GKAP1: variants seen among roughly 807,000 people sequenced by gnomAD.
The protein encoded by GKAP1 is G kinase-anchoring protein 1.
Under a neutral mutation model 56.7 loss-of-function variants are expected in GKAP1, and 31 were observed. That is an observed-to-expected ratio of 0.55 (90% CI 0.41 to 0.74). The LOEUF (loss-of-function observed/expected upper bound fraction) is 0.74. Ranked by LOEUF, GKAP1 falls within the 30% of genes least tolerant of loss-of-function variation. GKAP1 has a pLI of 0.00. For synonymous variants in GKAP1, 151 were observed against 138.6 expected (o/e 1.09, Z -0.63); for missense variants, 364 against 402.3 (o/e 0.90, Z 0.82).
At chr9:83,743,185 T>C (rs563749389) in intron 10 of GKAP1, among the ~76,000 whole-genome samples, 1 of 151,926 alleles carries the variant, frequency 6.6e-6, no homozygotes, top group East Asian at 2.0e-4. Context: ...TATTTTTTAA[T>C]TGCACAAATA....
intron 5 of GKAP1, among the ~76,000 whole-genome samples, chr9:83,787,715 C>T (rs1944088689): frequency 6.6e-6 from 1 of 152,168 alleles, no homozygotes; most frequent in African/African-American, 2.4e-5. Context: ...TGAATACTCA[C>T]ACAATTTAAA....
chr9:83,796,789 G>A (rs967603145), intron 4 of GKAP1, among the ~76,000 whole-genome samples: 7 of 151,896 alleles, frequency 4.6e-5, no homozygotes, highest in Admixed American at 2.6e-4. Flanking sequence ...TAATTCACCC[G>A]TCTCCCTTTT....
intron 6 of GKAP1, among the ~76,000 whole-genome samples, chr9:83,781,946 T>C (rs10780634): frequency 0.56 from 84,805 of 150,284 alleles, 24,483 homozygotes; most frequent in Admixed American, 0.7. Context: ...CGGGTTCAAG[T>C]GATTCTCCTG....
At chr9:83,778,647 C>T (rs1012830794) in intron 7 of GKAP1, among the ~76,000 whole-genome samples, 1 of 151,550 alleles carries the variant, frequency 6.6e-6, no homozygotes, top group African/African-American at 2.4e-5. Flanking sequence ...CCACCGTGAC[C>T]AAAATTTACC....
At chr9:83,748,668 T>A (rs1390533950) in intron 9 of GKAP1, 2 of 192,566 alleles carry the variant, frequency 1.0e-5, no homozygotes, top group Non-Finnish European at 2.1e-5. Flanking sequence ...CTTCCTCAGA[T>A]AAAACCCTTA....
chr9:83,813,411 ATTATT>A (rs543723599), intron 2 of GKAP1, among the ~76,000 whole-genome samples: 3 of 152,190 alleles, frequency 2.0e-5, no homozygotes, highest in Non-Finnish European at 2.9e-5. Flanking sequence ...AAATCTAATG[ATTATT>A]TTATTTATAT....
At chr9:83,790,097 C>G (rs1944129358) in intron 4 of GKAP1, among the ~76,000 whole-genome samples, 1 of 152,066 alleles carries the variant, frequency 6.6e-6, no homozygotes, top group African/African-American at 2.4e-5. Flanking sequence ...GCAAAGTCAT[C>G]CCTTTGAAAG....
At chr9:83,793,351 T>C (rs896934510) in intron 4 of GKAP1, among the ~76,000 whole-genome samples, 3 of 152,174 alleles carry the variant, frequency 2.0e-5, no homozygotes, top group African/African-American at 4.8e-5. Context: ...CCCTAACCCA[T>C]TAGATTTTCA....
chr9:83,813,744 T>C (rs1464432772), intron 2 of GKAP1, among the ~76,000 whole-genome samples: 1 of 152,194 alleles, frequency 6.6e-6, no homozygotes, highest in Non-Finnish European at 1.5e-5. Flanking sequence ...TAAATAAATA[T>C]ATCTTCTACT....
intron 8 of GKAP1, among the ~76,000 whole-genome samples, chr9:83,758,320 T>G (rs753591290): frequency 3.3e-5 from 5 of 152,190 alleles, no homozygotes; most frequent in Non-Finnish European, 7.3e-5. Flanking sequence ...TACAGCATGT[T>G]GATTTGGCAG....
In GKAP1 at chr9:83,768,821, G is replaced by T. The variant is rs1420688038; in HGVS notation, c.735C>A (p.Asn245Lys). The T allele has an allele frequency of 7.5e-6, 12 of 1,608,832 alleles. No individual in the cohort carries two copies. The highest frequency in any genetic ancestry group is 1.3e-5 in the African/African-American group (1 of 74,796). Residue 245 changes from asparagine to lysine, a missense_variant, in exon 8 of 13, where the codon AAC (asparagine) becomes AAA (lysine). By Grantham distance (94) the Asn-to-Lys change is moderately conservative. Coordinates refer to ENST00000376371, the MANE Select transcript of GKAP1 (RefSeq NM_025211.4). ...GTDNCTAHEH[N>K]QEVVLKDGRI... The stretch of plus-strand genomic sequence containing the variant: ...GAGAATTTTCTACTTTACATGCCTG[G>T]TTGTGTTCATGAGCTGTACAATTAT...
At chr9:83,767,537 T>A (rs1943685595) in intron 8 of GKAP1, among the ~76,000 whole-genome samples, 1 of 152,076 alleles carries the variant, frequency 6.6e-6, no homozygotes, top group South Asian at 2.1e-4. Flanking sequence ...TTTGTTTTTA[T>A]TTTTAGTGGA....
chr9:83,789,740 A>G (rs1944123808), intron 4 of GKAP1, among the ~76,000 whole-genome samples: 1 of 148,964 alleles, frequency 6.7e-6, no homozygotes, highest in African/African-American at 2.5e-5. Context: ...TTTTCCTCCC[A>G]GGAATTAAAT....
In GKAP1 at chr9:83,799,184, C is replaced by T. The variant is rs759053011; in HGVS notation, c.360+1G>A. 1 of 1,612,722 alleles carries T rather than the reference C, an allele frequency of 6.2e-7. No individual in the cohort carries two copies. Among genetic ancestry groups the T allele is most frequent in the African/African-American group, 1.3e-5 (1 of 74,950 alleles). On this transcript the variant is annotated splice_donor_variant, in intron 4 of 12. Coordinates refer to ENST00000376371, the MANE Select transcript of GKAP1 (RefSeq NM_025211.4). LOFTEE classifies it high-confidence loss of function. Reference sequence around the variant, plus strand: ...AAGCAATTTTATTTACTTAGTTGTACCTGCTCATCTCTTTGTCTCCACTCT... The same window carrying T: ...AAGCAATTTTATTTACTTAGTTGTATCTGCTCATCTCTTTGTCTCCACTCT...
At chr9:83,814,654 T>A (rs1288823514) in intron 2 of GKAP1, among the ~76,000 whole-genome samples, 2 of 152,254 alleles carry the variant, frequency 1.3e-5, no homozygotes, top group Non-Finnish European at 2.9e-5. Context: ...GTTTTCTTCA[T>A]GTTTACATTC....
chr9:83,751,812 T>C (rs527766151), intron 9 of GKAP1, among the ~76,000 whole-genome samples: 5 of 150,946 alleles, frequency 3.3e-5, no homozygotes, highest in Non-Finnish European at 5.9e-5. Flanking sequence ...TAAAAATACA[T>C]TGTATACATC....
At chr9:83,815,553 A>T (rs1429265990) in intron 2 of GKAP1, among the ~76,000 whole-genome samples, 3 of 151,796 alleles carry the variant, frequency 2.0e-5, no homozygotes, top group African/African-American at 7.3e-5. Context: ...CCAGAAGACC[A>T]CAATTAGGGA....
chr9:83,808,488 T>A (rs1044508455), intron 2 of GKAP1, among the ~76,000 whole-genome samples: 1 of 151,992 alleles, frequency 6.6e-6, no homozygotes, highest in African/African-American at 2.4e-5. Context: ...TCCCAGCTAC[T>A]CCAGAGGCTG....
intron 12 of GKAP1, among the ~76,000 whole-genome samples, chr9:83,741,370 A>G (rs1269519859): frequency 6.6e-6 from 1 of 151,178 alleles, no homozygotes; most frequent in Non-Finnish European, 1.5e-5. Context: ...TCACACACAC[A>G]CACACACACA....
Sources: allele counts gnomAD v4.1 joint callset (sites outside exome capture counted in the v4.1 genomes callset), GRCh38; gene constraint gnomAD v4.1.1; transcripts MANE v1.5; gene names NCBI Gene and HGNC (gene_info 2026-07-23, HGNC 2026-07-21).